Variants in LEKR1 observed in about 807,000 individuals in gnomAD.
LEKR1 encodes the protein leucine, glutamate and lysine rich 1, also known as protein LEKR1.
A neutral mutation model predicts 72.4 loss-of-function variants in LEKR1; 59 were observed. The observed-to-expected ratio is 0.82, with a 90% confidence interval of 0.66 to 1.01. The LOEUF (loss-of-function observed/expected upper bound fraction) is 1.01. LEKR1 is among the 50% of genes least tolerant of loss of function. LEKR1 has a pLI of 0.00. For synonymous variants in LEKR1, 257 were observed against 263.2 expected (o/e 0.98, Z 0.23); for missense variants, 728 against 759.2 (o/e 0.96, Z 0.48).
intron 5 of LEKR1, among the ~76,000 whole-genome samples, chr3:156,936,551 C>G (rs576491014): frequency 6.6e-6 from 1 of 151,740 alleles, no homozygotes; most frequent in African/African-American, 2.4e-5. Flanking sequence ...TTTTTTCTAT[C>G]GTATTCGTTT....
chr3:156,947,350 T>G (rs916766160), intron 6 of LEKR1, among the ~76,000 whole-genome samples: 4 of 151,196 alleles, frequency 2.6e-5, no homozygotes, highest in African/African-American at 9.7e-5. Context: ...TATTATGTAT[T>G]AAATAATTTA....
chr3:156,989,533 A>G (rs1362337204), intron 7 of LEKR1, among the ~76,000 whole-genome samples: 1 of 152,114 alleles, frequency 6.6e-6, no homozygotes, highest in Admixed American at 6.5e-5. Flanking sequence ...AAATTGATAA[A>G]ATTTGTACCC....
chr3:156,937,054 A>G lies in LEKR1; in HGVS notation c.560-5475A>G, dbSNP rs1386945763. ...CTACTCAGGACGCTGAGGTGGGAGG[A>G]CTGCTTAATCCCAGGAGTTTGAGGC... is the stretch of plus-strand genomic sequence containing the variant. On this transcript the variant is annotated intron_variant, in intron 5 of 12. Transcript: ENST00000356539. Among the ~76,000 whole-genome samples, 3 of 152,186 alleles carry G rather than the reference A, an allele frequency of 2.0e-5. No homozygotes were observed. In the East Asian group the frequency reaches 5.8e-4, roughly 29 times the overall value.
rs190371317 is a variant in LEKR1, at chr3:156,966,490, C to A, written c.746-12704C>A. On this transcript the variant is annotated intron_variant, in intron 6 of 12. Transcript: ENST00000356539. Reference sequence around the variant, plus strand: ...CACATCAGGAGATTATATCCCGCACCGGGCGTGGAGGGTCCTGCGCCCATG... The same window carrying A: ...CACATCAGGAGATTATATCCCGCACAGGGCGTGGAGGGTCCTGCGCCCATG... Among the ~76,000 whole-genome samples, 440 of 152,302 alleles carry A rather than the reference C, an allele frequency of 2.9e-3. 1 individual carries two copies. Among genetic ancestry groups the A allele is most frequent in the African/African-American group, 0.01 (417 of 41,552 alleles).
In LEKR1 at chr3:157,045,696, T is replaced by G; in HGVS notation, c.2025T>G (p.Asn675Lys). ...HPPRGGASSANETRQRLAAIL... is the reference protein window; with the variant it reads ...HPPRGGASSAKETRQRLAAIL... ...CCAGGGGTGGAGCATCTTCAGCAAA[T>G]GAGACTAGACAGAGACTGGCTGCCA... The change falls in exon 13 of 13, where the codon AAT becomes AAG. Residue 675 changes from asparagine to lysine, a missense_variant. Physicochemically the swap from Asn to Lys is moderately conservative, Grantham distance 94. Transcript: ENST00000356539. 6.2e-7 allele frequency: 1 copy of G among 1,613,250 alleles called. No homozygotes were observed. Among genetic ancestry groups the G allele is most frequent in the Non-Finnish European group, 8.5e-7 (1 of 1,179,996 alleles).
At chr3:156,961,546 C>T (rs949123747) in intron 6 of LEKR1, among the ~76,000 whole-genome samples, 3 of 152,242 alleles carry the variant, frequency 2.0e-5, no homozygotes, top group Non-Finnish European at 2.9e-5. Context: ...TTGTGTGTGG[C>T]GTCTTTCACT....
intron 5 of LEKR1, among the ~76,000 whole-genome samples, chr3:156,929,738 A>G (rs1426055785): frequency 6.6e-6 from 1 of 152,116 alleles, no homozygotes; most frequent in South Asian, 2.1e-4. Context: ...CAGGACTACA[A>G]TTGTCAGCTT....
chr3:156,951,644 C>A (rs1417222101), intron 6 of LEKR1, among the ~76,000 whole-genome samples: 2 of 151,632 alleles, frequency 1.3e-5, no homozygotes, highest in Admixed American at 1.3e-4. Context: ...AGTTTGTGTG[C>A]ATAGAGGTAT....
In LEKR1 at chr3:156,939,610, A is replaced by G. The variant is rs143208228; in HGVS notation, c.560-2919A>G. ...CATTCCTAGAAAAGGAAATTGCTTA[A>G]TATTTTCTTGCTGATAATGTATGCT... On this transcript the variant is annotated intron_variant, in intron 5 of 12. Transcript: ENST00000356539. Among the ~76,000 whole-genome samples the G allele has an allele frequency of 2.9e-3, 438 of 152,314 alleles. 1 individual carries two copies. Among genetic ancestry groups the G allele is most frequent in the African/African-American group, 0.01 (416 of 41,586 alleles).
At chr3:156,858,110 A>G (rs1035341792) in intron 3 of LEKR1, among the ~76,000 whole-genome samples, 2 of 152,186 alleles carry the variant, frequency 1.3e-5, no homozygotes, top group African/African-American at 4.8e-5. Flanking sequence ...TGGAAAATCA[A>G]GCATTTCACT....
chr3:157,012,229 A>G (rs530147665), intron 10 of LEKR1, among the ~76,000 whole-genome samples: 1 of 152,206 alleles, frequency 6.6e-6, no homozygotes, highest in South Asian at 2.1e-4. Context: ...GCCCTATTCT[A>G]CACACTGACC....
chr3:156,877,689 T>C (rs1383308462), intron 3 of LEKR1, among the ~76,000 whole-genome samples: 1 of 152,178 alleles, frequency 6.6e-6, no homozygotes, highest in Non-Finnish European at 1.5e-5. Context: ...CCAATTGGGC[T>C]TATTTGGTTC....
intron 6 of LEKR1, among the ~76,000 whole-genome samples, chr3:156,970,508 A>G (rs1168770989): frequency 6.6e-6 from 1 of 152,130 alleles, no homozygotes; most frequent in East Asian, 1.9e-4. Flanking sequence ...ATTTTTGTAT[A>G]AGGTGTAAGG....
At chr3:156,943,001 A>G (rs1386607477) in intron 6 of LEKR1, among the ~76,000 whole-genome samples, 1 of 151,958 alleles carries the variant, frequency 6.6e-6, no homozygotes, top group East Asian at 1.9e-4. Context: ...ACTTTGGTAT[A>G]TCTGTGCTCT....
chr3:156,838,003 T>G (rs181293113), intron 2 of LEKR1, among the ~76,000 whole-genome samples: 1 of 152,266 alleles, frequency 6.6e-6, no homozygotes, highest in East Asian at 1.9e-4. Flanking sequence ...GGATCCAAAA[T>G]GACGTTTTTT....
chr3:156,839,069 A>C (rs1713547856), intron 2 of LEKR1, among the ~76,000 whole-genome samples: 1 of 152,238 alleles, frequency 6.6e-6, no homozygotes, highest in African/African-American at 2.4e-5. Context: ...AGACGTGAGC[A>C]CCAGGATTTA....
chr3:156,894,666 A>G (rs1720999047), intron 3 of LEKR1, among the ~76,000 whole-genome samples: 1 of 152,234 alleles, frequency 6.6e-6, no homozygotes, highest in Admixed American at 6.5e-5. Context: ...CAGTAATCAA[A>G]ACAGCATGGT....
chr3:157,022,791 T>G (rs1423903471), intron 10 of LEKR1, among the ~76,000 whole-genome samples: 1 of 152,204 alleles, frequency 6.6e-6, no homozygotes, highest in Non-Finnish European at 1.5e-5. Context: ...TCTTCAGCAG[T>G]CTGAGAGCAG....
chr3:156,979,101 G>A (rs752873403), intron 6 of LEKR1, 93 bp from the exon 7 acceptor site: 7 of 521,624 alleles, frequency 1.3e-5, no homozygotes, highest in Non-Finnish European at 2.3e-5. Flanking sequence ...TTCTTCAGGA[G>A]CTGACTAGCA....
Sources: allele counts gnomAD v4.1 joint callset (sites outside exome capture counted in the v4.1 genomes callset), GRCh38; gene constraint gnomAD v4.1.1; transcripts MANE v1.5; gene names NCBI Gene and HGNC (gene_info 2026-07-23, HGNC 2026-07-21).